ATP9A: variants seen among roughly 807,000 people sequenced by gnomAD.
ATP9A encodes the protein ATPase phospholipid transporting 9A, also known as probable phospholipid-transporting ATPase IIA.
Under a neutral mutation model 144.1 loss-of-function variants are expected in ATP9A, and 52 were observed. That is an observed-to-expected ratio of 0.36 (90% confidence interval 0.29 to 0.45). The LOEUF (loss-of-function observed/expected upper bound fraction) is 0.45, where lower values mean the gene tolerates loss of function less well. Among genes scored for constraint, ATP9A ranks in the 20% least tolerant of loss-of-function variants. The probability of loss-of-function intolerance (pLI) is 1.00; values close to 1 mark genes in which losing one functional copy is unlikely to be tolerated. For missense variants in ATP9A, 947 were observed against 1,392.7 expected, an observed-to-expected ratio of 0.68 and a Z score of 5.09; for synonymous variants, 582 against 557.4, an observed-to-expected ratio of 1.04 and a Z score of -0.62.
At chr20:51,652,905 G>A (rs555894462) in intron 14 of ATP9A, among the ~76,000 whole-genome samples, 3 of 152,024 alleles carry the variant, frequency 2.0e-5, no homozygotes, top group African/African-American at 4.8e-5. Context: ...TCAGGAGATC[G>A]AGACCAACCT....
At chr20:51,677,337 T>C (rs960891269) in intron 9 of ATP9A, among the ~76,000 whole-genome samples, 1 of 152,150 alleles carries the variant, frequency 6.6e-6, no homozygotes, top group Non-Finnish European at 1.5e-5. Flanking sequence ...TGAAAACCCT[T>C]TGAGTTTAAA....
intron 7 of ATP9A, among the ~76,000 whole-genome samples, chr20:51,693,622 C>T (rs1162337908): frequency 2.0e-5 from 3 of 152,102 alleles, no homozygotes; most frequent in African/African-American, 7.2e-5. Context: ...ACTGCAGCCT[C>T]GAACCCGCAG....
chr20:51,704,284 C>T (rs891839818), intron 4 of ATP9A, among the ~76,000 whole-genome samples: 1 of 151,394 alleles, frequency 6.6e-6, no homozygotes, highest in African/African-American at 2.4e-5. Context: ...TTTATGGTGC[C>T]CAGAAATGAT....
At chr20:51,636,175 C>T (rs753060883) in intron 15 of ATP9A, among the ~76,000 whole-genome samples, 1 of 152,040 alleles carries the variant, frequency 6.6e-6, no homozygotes, top group Non-Finnish European at 1.5e-5. Context: ...ACGGCAATAC[C>T]ACAACAGCCA....
At chr20:51,715,861 G>A (rs550878665) in intron 3 of ATP9A, among the ~76,000 whole-genome samples, 67 of 152,292 alleles carry the variant, frequency 4.4e-4, no homozygotes, top group African/African-American at 1.5e-3. Context: ...TGTTGAAGGA[G>A]GCAGCTGTTG....
At chr20:51,719,971 C>T (rs911294468) in intron 3 of ATP9A, among the ~76,000 whole-genome samples, 91 of 152,298 alleles carry the variant, frequency 6.0e-4, no homozygotes, top group African/African-American at 2.2e-3. Flanking sequence ...ATCACTTGAA[C>T]CCGAGAGGCA....
chr20:51,697,122 T>G (rs2077573742), intron 5 of ATP9A, among the ~76,000 whole-genome samples: 1 of 152,206 alleles, frequency 6.6e-6, no homozygotes, highest in Admixed American at 6.5e-5. Context: ...AAAAACTTTA[T>G]GATATTTTTT....
intron 4 of ATP9A, among the ~76,000 whole-genome samples, chr20:51,708,554 G>A (rs1239057729): frequency 4.0e-5 from 6 of 151,830 alleles, no homozygotes; most frequent in Non-Finnish European, 7.4e-5. Context: ...GGCCAATATG[G>A]CGAAACCTCG....
At chr20:51,730,216 C>T (rs570886056) in intron 1 of ATP9A, among the ~76,000 whole-genome samples, 1 of 152,266 alleles carries the variant, frequency 6.6e-6, no homozygotes, top group South Asian at 2.1e-4. Context: ...CACCTGTAAT[C>T]CCAGCACTTT....
intron 1 of ATP9A, among the ~76,000 whole-genome samples, chr20:51,756,925 T>C (rs981343493): frequency 6.6e-6 from 1 of 152,130 alleles, no homozygotes; most frequent in Non-Finnish European, 1.5e-5. Context: ...TGTTTTTTTT[T>C]TAAAAAGACA....
At chr20:51,662,154 G>C (rs1568808647) in intron 13 of ATP9A, among the ~76,000 whole-genome samples, 1 of 152,234 alleles carries the variant, frequency 6.6e-6, no homozygotes, top group Non-Finnish European at 1.5e-5. Context: ...ACCAGGGTGA[G>C]TTAGCGCAAC....
chr20:51,737,190 C>T (rs757837314), intron 1 of ATP9A, among the ~76,000 whole-genome samples: 1 of 152,198 alleles, frequency 6.6e-6, no homozygotes, highest in Non-Finnish European at 1.5e-5. Context: ...CCATGAACAG[C>T]CTCACCTGCA....
At chr20:51,763,939 T>A (rs1372239359) in intron 1 of ATP9A, among the ~76,000 whole-genome samples, 1 of 152,140 alleles carries the variant, frequency 6.6e-6, no homozygotes, top group Non-Finnish European at 1.5e-5. Context: ...CTAAATTTGA[T>A]CAGGAAAAAG....
At chr20:51,698,101 G>A (rs1182502249) in intron 4 of ATP9A, among the ~76,000 whole-genome samples, 5 of 152,180 alleles carry the variant, frequency 3.3e-5, no homozygotes, top group South Asian at 2.1e-4. Flanking sequence ...GCTTTCAGAC[G>A]AGGAAAGGAG....
At chr20:51,647,148 C>G (rs1382929378) in intron 14 of ATP9A, among the ~76,000 whole-genome samples, 1 of 151,786 alleles carries the variant, frequency 6.6e-6, no homozygotes, top group Admixed American at 6.6e-5. Flanking sequence ...ACTTCTTGAT[C>G]CAAATGTCTT....
At chr20:51,688,227 C>T (rs1033947466) in intron 9 of ATP9A, among the ~76,000 whole-genome samples, 1 of 152,232 alleles carries the variant, frequency 6.6e-6, no homozygotes, top group Non-Finnish European at 1.5e-5. Context: ...CTGCATGCCG[C>T]TGATGTTAAC....
chr20:51,642,623 G>A (rs1238748085), intron 14 of ATP9A, among the ~76,000 whole-genome samples: 1 of 150,014 alleles, frequency 6.7e-6, no homozygotes, highest in African/African-American at 2.5e-5. Context: ...CTACTGGAGA[G>A]GCTGAGATGG....
At chr20:51,606,216 C>CA (rs1451477447) in intron 26 of ATP9A, among the ~76,000 whole-genome samples, 1 of 152,166 alleles carries the variant, frequency 6.6e-6, no homozygotes, top group East Asian at 1.9e-4. Flanking sequence ...AAAATGGCGC[C>CA]ACTGCACTCC....
At chr20:51,689,866 T>C (rs2077539293) in intron 8 of ATP9A, among the ~76,000 whole-genome samples, 1 of 151,646 alleles carries the variant, frequency 6.6e-6, no homozygotes, top group Admixed American at 6.6e-5. Flanking sequence ...ATCCCAGCAC[T>C]TTGGGAGATC....
Sources: allele counts gnomAD v4.1 joint callset (sites outside exome capture counted in the v4.1 genomes callset), GRCh38; gene constraint gnomAD v4.1.1; transcripts MANE v1.5; gene names NCBI Gene and HGNC (gene_info 2026-07-23, HGNC 2026-07-21).